Variants in SOX5 observed in about 807,000 individuals in gnomAD.
The protein encoded by SOX5 is SRY-box transcription factor 5, also known as transcription factor SOX-5.
Under a neutral mutation model 92.0 loss-of-function variants are expected in SOX5, and 9 were observed. That is an observed-to-expected ratio of 0.10 (90% CI 0.06 to 0.17). SOX5 has a LOEUF of 0.17. SOX5 is among the 10% of genes least tolerant of loss of function. SOX5 has a pLI of 1.00. For missense variants in SOX5, 642 were observed against 944.5 expected (o/e 0.68, Z 4.20); for synonymous variants, 344 against 336.3 (o/e 1.02, Z -0.25).
intron 1 of SOX5, among the ~76,000 whole-genome samples, chr12:24,441,568 T>C (rs963281304): frequency 3.8e-4 from 58 of 152,128 alleles, no homozygotes; most frequent in African/African-American, 1.3e-3. Flanking sequence ...CTTTATAAAG[T>C]GGCAGTGGCA....
chr12:24,301,042 C>T (rs1947885501), intron 2 of SOX5, among the ~76,000 whole-genome samples: 1 of 152,206 alleles, frequency 6.6e-6, no homozygotes, highest in South Asian at 2.1e-4. Flanking sequence ...TCAGCAAGTG[C>T]CCTGAGGTTG....
At chr12:24,355,498 G>A (rs1595879663) in intron 2 of SOX5, among the ~76,000 whole-genome samples, 1 of 151,778 alleles carries the variant, frequency 6.6e-6, no homozygotes. Flanking sequence ...TAGCAATCTG[G>A]AAGGGGGCAC....
chr12:24,165,928 T>C (rs1409823718), intron 4 of SOX5, among the ~76,000 whole-genome samples: 3 of 152,032 alleles, frequency 2.0e-5, no homozygotes, highest in East Asian at 3.8e-4. Flanking sequence ...TATGTGAGAT[T>C]AGGGAAGATG....
intron 3 of SOX5, among the ~76,000 whole-genome samples, chr12:23,769,381 G>T (rs899739518): frequency 6.6e-6 from 1 of 151,950 alleles, no homozygotes; most frequent in East Asian, 1.9e-4. Flanking sequence ...AAAATAAGAG[G>T]GGAAAAAGTT....
chr12:24,064,521 C>A (rs1314848806), intron 4 of SOX5, among the ~76,000 whole-genome samples: 2 of 152,078 alleles, frequency 1.3e-5, no homozygotes, highest in Non-Finnish European at 1.5e-5. Flanking sequence ...ATATGCAGAA[C>A]AATCAGAAAT....
intron 6 of SOX5, among the ~76,000 whole-genome samples, chr12:23,717,260 A>T (rs1399710049): frequency 1.3e-5 from 2 of 152,188 alleles, no homozygotes; most frequent in African/African-American, 4.8e-5. Context: ...TCTTGCATAA[A>T]TATTAACACC....
chr12:23,639,307 A>T (rs2079713307), intron 8 of SOX5, among the ~76,000 whole-genome samples: 1 of 152,332 alleles, frequency 6.6e-6, no homozygotes, highest in East Asian at 1.9e-4. Context: ...GTTGCTTAAC[A>T]TAGCTACTTT....
chr12:23,843,554 CT>C (rs71059931), intron 3 of SOX5, among the ~76,000 whole-genome samples: 24 of 71,326 alleles, frequency 3.4e-4, no homozygotes, highest in East Asian at 6.2e-4. Flanking sequence ...GTCATTTCTC[CT>C]TTTTTTTTTT....
At chr12:23,625,695 T>G (rs892178260) in intron 8 of SOX5, among the ~76,000 whole-genome samples, 1 of 152,172 alleles carries the variant, frequency 6.6e-6, no homozygotes, top group Non-Finnish European at 1.5e-5. Context: ...CTGCAACCTC[T>G]GCGTCCTGGG....
At chr12:24,287,412 A>C (rs1393096874) in intron 2 of SOX5, among the ~76,000 whole-genome samples, 7 of 152,094 alleles carry the variant, frequency 4.6e-5, no homozygotes, top group Non-Finnish European at 7.4e-5. Flanking sequence ...AACATGAACA[A>C]AGTACTTGTG....
At chr12:23,689,116 A>AT (rs1320230051) in intron 6 of SOX5, among the ~76,000 whole-genome samples, 8 of 152,032 alleles carry the variant, frequency 5.3e-5, no homozygotes, top group Non-Finnish European at 7.4e-5. Context: ...GTCAATATCA[A>AT]TTTTTTTAGG....
intron 1 of SOX5, among the ~76,000 whole-genome samples, chr12:24,544,402 C>G (rs972802548): frequency 1.3e-5 from 2 of 152,008 alleles, no homozygotes. Context: ...CTGATCTATA[C>G]ATTGATAAAT....
chr12:24,419,163 C>A (rs1469633978), intron 1 of SOX5, among the ~76,000 whole-genome samples: 1 of 151,952 alleles, frequency 6.6e-6, no homozygotes, highest in African/African-American at 2.4e-5. Flanking sequence ...GCTCTGTCAC[C>A]AAGGCAGTAC....
At chr12:24,058,291 A>C (rs946382545) in intron 4 of SOX5, among the ~76,000 whole-genome samples, 1 of 152,238 alleles carries the variant, frequency 6.6e-6, no homozygotes, top group Non-Finnish European at 1.5e-5. Flanking sequence ...CGATGTGCAC[A>C]ATATTTTTTG....
chr12:23,622,411 T>C (rs146007424), intron 8 of SOX5, among the ~76,000 whole-genome samples: 141 of 152,280 alleles, frequency 9.3e-4, no homozygotes, highest in South Asian at 1.7e-3. Context: ...CTAATATTTC[T>C]CTTTTTTATT....
chr12:23,962,223 C>A (rs4261365), intron 4 of SOX5, among the ~76,000 whole-genome samples: 107,501 of 137,198 alleles, frequency 0.78, 38,917 homozygotes, highest in Non-Finnish European at 0.82. Flanking sequence ...AAACAAACAA[C>A]AAAAAAGACC....
chr12:24,289,739 G>A (rs1946399991), intron 2 of SOX5, among the ~76,000 whole-genome samples: 1 of 120,566 alleles, frequency 8.3e-6, no homozygotes, highest in Non-Finnish European at 1.6e-5. Context: ...ACAGGCGTGA[G>A]CCACCGCGCC....
At chr12:23,838,539 A>G (rs983406447) in intron 3 of SOX5, among the ~76,000 whole-genome samples, 31 of 152,032 alleles carry the variant, frequency 2.0e-4, no homozygotes, top group African/African-American at 7.5e-4. Flanking sequence ...ACACTTTTAG[A>G]TGCTTGCTTT....
At chr12:23,884,088 C>A (rs113770046) in intron 2 of SOX5, among the ~76,000 whole-genome samples, 4 of 152,222 alleles carry the variant, frequency 2.6e-5, no homozygotes, top group African/African-American at 9.6e-5. Flanking sequence ...TTTCTTTAGG[C>A]ACTTGTTGAA....
Sources: allele counts gnomAD v4.1 joint callset (sites outside exome capture counted in the v4.1 genomes callset), GRCh38; gene constraint gnomAD v4.1.1; transcripts MANE v1.5; gene names NCBI Gene and HGNC (gene_info 2026-07-23, HGNC 2026-07-21).